RPS6KA5: variants seen among roughly 807,000 people sequenced by gnomAD.
RPS6KA5 encodes ribosomal protein S6 kinase A5.
A neutral mutation model predicts 85.5 loss-of-function variants in RPS6KA5; 27 were observed. The ratio of observed to expected loss-of-function variants is 0.32; its 90% CI spans 0.23 to 0.44. RPS6KA5 has a LOEUF of 0.44. RPS6KA5 is among the 20% of genes least tolerant of loss of function. The probability of loss-of-function intolerance (pLI) is 1.00; values close to 1 mark genes in which losing one functional copy is unlikely to be tolerated. For missense variants in RPS6KA5, 811 were observed against 980.9 expected, an observed-to-expected ratio of 0.83 and a Z score of 2.31; for synonymous variants, 334 against 348.2, an observed-to-expected ratio of 0.96 and a Z score of 0.46.
At chr14:90,994,370 T>C (rs886276205) in intron 2 of RPS6KA5, among the ~76,000 whole-genome samples, 1 of 152,072 alleles carries the variant, frequency 6.6e-6, no homozygotes, top group African/African-American at 2.4e-5. Context: ...TACTGGTTCT[T>C]TCTCCAATCT....
At position 91,012,075 on chromosome 14, in the gene RPS6KA5, C is replaced by T. The variant is rs114215671; in HGVS notation, c.104-10916G>A. Among the ~76,000 whole-genome samples, 1,468 of 152,198 alleles carry T rather than the reference C, an allele frequency of 9.6e-3. 12 individuals are homozygous for T. Among genetic ancestry groups the T allele is most frequent in the South Asian group, 0.032 (156 of 4,818 alleles). ...TTTGTTCAAAACCTTATCCAATTTT[C>T]AGTTACTTGACAGATTTTTTTTTCT... On this transcript the variant is annotated intron_variant, in intron 1 of 16. Coordinates refer to ENST00000614987, the MANE Select transcript of RPS6KA5 (RefSeq NM_004755.4).
At chr14:90,991,640 T>C (rs1305824875) in intron 2 of RPS6KA5, among the ~76,000 whole-genome samples, 1 of 140,740 alleles carries the variant, frequency 7.1e-6, no homozygotes, top group East Asian at 2.1e-4. Flanking sequence ...AGGCAGAGGT[T>C]GCAGTGAGCT....
At chr14:91,002,269 A>C (rs2040825514) in intron 1 of RPS6KA5, among the ~76,000 whole-genome samples, 1 of 152,144 alleles carries the variant, frequency 6.6e-6, no homozygotes, top group Non-Finnish European at 1.5e-5. Context: ...TAAATTTATA[A>C]ATAAATATAG....
chr14:90,860,075 G>GAA lies in RPS6KA5; in HGVS notation c.*11998_*11999insTT, dbSNP rs2032467250. On this transcript the variant is annotated 3_prime_UTR_variant, in exon 17 of 17. Transcript: ENST00000614987. ...GTATACCTATGTAACAAACCTGCACGTTCTGCACATGTAACCCAGAACTTA... is the reference window on the plus strand; with the variant it reads ...GTATACCTATGTAACAAACCTGCACGAATTCTGCACATGTAACCCAGAACTTA... 1 of 152,066 alleles carries GAA rather than the reference G, an allele frequency of 6.6e-6. No individual in the cohort carries two copies. Among genetic ancestry groups the GAA allele is most frequent in the Admixed American group, 6.6e-5 (1 of 15,262 alleles). 9.4% of individuals were successfully genotyped at this position (152,066 alleles called of 1,614,324 possible).
At chr14:90,948,081 G>C (rs1424847522) in intron 3 of RPS6KA5, among the ~76,000 whole-genome samples, 1 of 152,124 alleles carries the variant, frequency 6.6e-6, no homozygotes, top group Non-Finnish European at 1.5e-5. Context: ...ATTACAACTT[G>C]GTCAAATCAA....
At chr14:90,894,689 CCT>C (rs1381962525) in intron 12 of RPS6KA5, 106 bp from the exon 13 acceptor site, 9 of 1,274,474 alleles carry the variant, frequency 7.1e-6, no homozygotes, top group African/African-American at 4.5e-5. Flanking sequence ...TAAATAATCC[CCT>C]GTTAAAATAA....
chr14:90,923,032 G>T, intron 6 of RPS6KA5, 81 bp downstream of exon 6: 4 of 1,004,292 alleles, frequency 4.0e-6, no homozygotes, highest in Non-Finnish European at 6.1e-6. Context: ...CTCTGTTGAA[G>T]AGATGACCTA....
chr14:90,866,582 G>C lies in RPS6KA5; in HGVS notation c.*5492C>G, dbSNP rs1209777491. The C allele has an allele frequency of 6.6e-6, 1 of 152,158 alleles. No homozygotes were observed. The highest frequency in any genetic ancestry group is 1.5e-5 in the Non-Finnish European group (1 of 68,034). 9.4% of individuals were successfully genotyped at this position (152,158 alleles called of 1,614,324 possible). A position where few individuals can be genotyped will look rare whatever the true frequency, so the allele number is the denominator to read the frequency against. ...TAATCTTCCATTTACCTTTTAGTAA[G>C]ACAAATTCTTATCTTTATGTAAAAC... On this transcript the variant is annotated 3_prime_UTR_variant, in exon 17 of 17. Coordinates refer to ENST00000614987, the MANE Select transcript of RPS6KA5 (RefSeq NM_004755.4).
intron 1 of RPS6KA5, among the ~76,000 whole-genome samples, chr14:91,036,459 G>A (rs992563082): frequency 3.9e-5 from 6 of 152,308 alleles, no homozygotes; most frequent in African/African-American, 1.4e-4. Flanking sequence ...TGGATGAATA[G>A]GCAGATTAGC....
chr14:90,970,237 A>G (rs2140450758), intron 3 of RPS6KA5, among the ~76,000 whole-genome samples: 1 of 152,328 alleles, frequency 6.6e-6, no homozygotes, highest in South Asian at 2.1e-4. Flanking sequence ...CTTGTGAATT[A>G]GTCATATTTA....
intron 1 of RPS6KA5, among the ~76,000 whole-genome samples, chr14:91,008,213 TG>T (rs2041112329): frequency 6.6e-6 from 1 of 152,248 alleles, no homozygotes; most frequent in Non-Finnish European, 1.5e-5. Context: ...GATTCACTTA[TG>T]TTAAAGGCTT....
At chr14:90,898,349 T>C (rs886753784) in intron 12 of RPS6KA5, among the ~76,000 whole-genome samples, 4 of 152,222 alleles carry the variant, frequency 2.6e-5, no homozygotes, top group Non-Finnish European at 4.4e-5. Flanking sequence ...ATTATGGTTA[T>C]GGTGCTACTG....
intron 14 of RPS6KA5, among the ~76,000 whole-genome samples, chr14:90,880,831 C>CTT (rs560458875): frequency 5.8e-4 from 77 of 132,430 alleles, no homozygotes; most frequent in African/African-American, 7.5e-4. Context: ...CTTTTGTAAA[C>CTT]TTTTTTTTTT....
At position 91,057,502 on chromosome 14, in the gene RPS6KA5, T is replaced by A. The variant is rs116126155; in HGVS notation, c.103+2830A>T. 5.7e-3 allele frequency among the ~76,000 whole-genome samples: 863 copies of A among 152,204 alleles called. 11 individuals carry two copies. The highest frequency in any genetic ancestry group is 0.019 in the African/African-American group (808 of 41,516). On this transcript the variant is annotated intron_variant, in intron 1 of 16. Coordinates refer to ENST00000614987, the MANE Select transcript of RPS6KA5 (RefSeq NM_004755.4). The stretch of plus-strand genomic sequence containing the variant: ...CAGTCTAATCTGTATTAGACTGTAA[T>A]ACAAGTAAATGGACTATTATAGTAC...
intron 3 of RPS6KA5, among the ~76,000 whole-genome samples, chr14:90,954,587 T>C (rs1303575090): frequency 6.6e-6 from 1 of 152,138 alleles, no homozygotes; most frequent in Non-Finnish European, 1.5e-5. Context: ...TTAATTTTTG[T>C]ATTTTTAGTA....
At chr14:90,953,307 AAAT>A in intron 3 of RPS6KA5, among the ~76,000 whole-genome samples, 1 of 152,346 alleles carries the variant, frequency 6.6e-6, no homozygotes, top group East Asian at 1.9e-4. Context: ...ATCAGTTTCC[AAAT>A]AATACTCTTA....
At chr14:91,029,773 C>G (rs1419690040) in intron 1 of RPS6KA5, among the ~76,000 whole-genome samples, 1 of 152,082 alleles carries the variant, frequency 6.6e-6, no homozygotes, top group Non-Finnish European at 1.5e-5. Flanking sequence ...TAAATGTACA[C>G]CACTTAGAAT....
In RPS6KA5 at chr14:91,034,541, G is replaced by A. The variant is rs148167394; in HGVS notation, c.103+25791C>T. ...TGTGTCTAGCTAAAGGATTGTAAAC[G>A]CACCAATCAGCACTCTGTAAAATGG... On this transcript the variant is annotated intron_variant, in intron 1 of 16. Transcript: ENST00000614987. Among the ~76,000 whole-genome samples the A allele has an allele frequency of 4.0e-3, 605 of 152,128 alleles. 1 individual carries two copies. The highest frequency in any genetic ancestry group is 5.0e-3 in the Admixed American group (77 of 15,280).
chr14:90,978,615 A>G, intron 2 of RPS6KA5, 91 bp from the exon 3 acceptor site: 1 of 959,200 alleles, frequency 1.0e-6, no homozygotes, highest in Admixed American at 3.0e-5. Context: ...ATGCACAAAA[A>G]ATACACTCTT....
Sources: gnomAD v4.1 joint callset for allele counts (sites outside exome capture counted in the v4.1 genomes callset) on GRCh38, gnomAD v4.1.1 for gene constraint, MANE v1.5 for transcripts, NCBI Gene and HGNC (gene_info 2026-07-23, HGNC 2026-07-21) for gene names.